SYTL5: variants seen among roughly 807,000 people sequenced by gnomAD.
SYTL5 encodes the protein synaptotagmin-like protein 5.
A neutral mutation model predicts 55.9 loss-of-function variants in SYTL5; 34 were observed. The observed-to-expected ratio is 0.61, with a 90% confidence interval of 0.46 to 0.81. SYTL5 has a LOEUF of 0.81. Among genes scored for constraint, SYTL5 ranks in the 30% least tolerant of loss-of-function variants. The pLI, the probability that SYTL5 is intolerant of heterozygous loss-of-function variation, is 0.00. For missense variants in SYTL5, 637 were observed against 546.7 expected, an observed-to-expected ratio of 1.17 and a Z score of -1.65; for synonymous variants, 221 against 188.7, an observed-to-expected ratio of 1.17 and a Z score of -1.40.
At position 38,118,417 on chromosome X, in the gene SYTL5, C is replaced by T. The variant is rs186149777; in HGVS notation, c.1597-1941C>T. Among the ~76,000 whole-genome samples the T allele has an allele frequency of 6.3e-3, 695 of 111,099 alleles. 8 individuals carry two copies. The highest frequency in any genetic ancestry group is 0.022 in the African/African-American group (660 of 30,517). On this transcript the variant is annotated intron_variant, in intron 13 of 16. Coordinates refer to ENST00000297875, the MANE Select transcript of SYTL5 (RefSeq NM_138780.3). ...GCTTGGCTATGAATGAGCTAGGTTT[C>T]GGGACTCTCATTCTGCCCTCTCTGA...
chrX:37,991,281 TCAA>T, the SYTL5 span: 1 of 1,109,857 alleles, frequency 9.0e-7, no homozygotes, highest in African/African-American at 1.8e-5. Flanking sequence ...GCTGTTGTCA[TCAA>T]CAAGTGCTAT....
At chrX:37,922,067 G>C in the SYTL5 span, among the ~76,000 whole-genome samples, 1 of 111,954 alleles carries the variant, frequency 8.9e-6, no homozygotes, top group Non-Finnish European at 1.9e-5. Context: ...TTATAGCTGA[G>C]ACATCCACTT....
chrX:37,956,970 C>T, the SYTL5 span, among the ~76,000 whole-genome samples: 39,562 of 110,209 alleles, frequency 0.36, 5,133 homozygotes, highest in East Asian at 0.6. Context: ...TCCTTTTTAT[C>T]TTAGCCATTC....
At chrX:38,064,331 A>G (rs1045685631) in intron 3 of SYTL5, among the ~76,000 whole-genome samples, 1 of 111,445 alleles carries the variant, frequency 9.0e-6, no homozygotes, top group Non-Finnish European at 1.9e-5. Context: ...TTACTTCATG[A>G]TCTTACCAAC....
chrX:38,114,168 C>T (rs1937428073), intron 13 of SYTL5, among the ~76,000 whole-genome samples: 1 of 111,488 alleles, frequency 9.0e-6, no homozygotes, highest in South Asian at 3.8e-4. Flanking sequence ...TCCCTGTACA[C>T]ACTCCCCTGA....
At position 38,072,085 on chromosome X, in the gene SYTL5, A is replaced by G. The variant is rs1464731221; in HGVS notation, c.368A>G (p.Glu123Gly). Reference protein sequence around the residue: ...RIITGEWFFEEKAKRFKQVNV... With the variant: ...RIITGEWFFEGKAKRFKQVNV... ...ATAACTGGTGAGTGGTTTTTTGAAG[A>G]AAAGGCAAAACGTTTCAAGCAAGTC... The change falls in exon 4 of 17, where the codon GAA becomes GGA. Residue 123 changes from glutamate (E) to glycine (G), a missense_variant. Transcript: ENST00000297875. The G allele has an allele frequency of 2.5e-6, 3 of 1,210,314 alleles. No homozygotes were observed. The highest frequency in any genetic ancestry group is 1.8e-5 in the South Asian group (1 of 56,833).
At chrX:38,055,943 A>G (rs776081921) in intron 3 of SYTL5, among the ~76,000 whole-genome samples, 10 of 111,823 alleles carry the variant, frequency 8.9e-5, no homozygotes, top group Non-Finnish European at 1.9e-4. Context: ...TACCTCAAGA[A>G]TTTATCCTTT....
the SYTL5 span, chrX:37,994,568 G>A: frequency 5.0e-5 from 6 of 120,459 alleles, no homozygotes; most frequent in Non-Finnish European, 8.2e-5. Flanking sequence ...ACAGCTGCAG[G>A]CTGTGCATCA....
the SYTL5 span, among the ~76,000 whole-genome samples, chrX:37,895,213 C>A: frequency 5.4e-5 from 6 of 112,057 alleles, no homozygotes; most frequent in South Asian, 3.7e-4. Flanking sequence ...TAATTACATC[C>A]TCAAAAAGCC....
intron 13 of SYTL5, among the ~76,000 whole-genome samples, chrX:38,113,420 T>C: frequency 8.9e-6 from 1 of 112,166 alleles, no homozygotes; most frequent in South Asian, 3.7e-4. Flanking sequence ...CTCTCTCTTT[T>C]TTTGGCAGAC....
At chrX:38,111,887 C>T (rs1014922940) in intron 13 of SYTL5, among the ~76,000 whole-genome samples, 1 of 112,099 alleles carries the variant, frequency 8.9e-6, no homozygotes, top group Non-Finnish European at 1.9e-5. Context: ...TAGCATCCTT[C>T]CAGTAAATTT....
intron 3 of SYTL5, among the ~76,000 whole-genome samples, chrX:38,058,874 A>G (rs1935862850): frequency 9.0e-6 from 1 of 110,961 alleles, no homozygotes; most frequent in South Asian, 3.8e-4. Flanking sequence ...ATATCTCTTT[A>G]GATATTTCTT....
chrX:38,073,433 C>A (rs1936315259), intron 4 of SYTL5, among the ~76,000 whole-genome samples, 157 bp from the exon 5 acceptor site: 1 of 112,279 alleles, frequency 8.9e-6, no homozygotes, highest in African/African-American at 3.2e-5. Context: ...TTAGAACTAA[C>A]TGTGTGACAG....
chrX:38,077,983 T>G (rs1261113619), intron 6 of SYTL5, among the ~76,000 whole-genome samples: 2 of 111,559 alleles, frequency 1.8e-5, no homozygotes, highest in African/African-American at 3.3e-5. Flanking sequence ...CAGTGAGCTA[T>G]GATCATGCCA....
At chrX:37,932,977 C>T in the SYTL5 span, among the ~76,000 whole-genome samples, 2 of 111,068 alleles carry the variant, frequency 1.8e-5, no homozygotes, top group African/African-American at 6.5e-5. Context: ...TTCCAAGAGG[C>T]AGAAAGTAGG....
At chrX:38,082,109 A>G (rs1029049931) in intron 6 of SYTL5, among the ~76,000 whole-genome samples, 1 of 111,909 alleles carries the variant, frequency 8.9e-6, no homozygotes. Flanking sequence ...AATGTCAATA[A>G]TGTGAGAAGG....
At chrX:38,067,381 T>G (rs866744257) in intron 3 of SYTL5, among the ~76,000 whole-genome samples, 1 of 88,176 alleles carries the variant, frequency 1.1e-5, no homozygotes, top group Admixed American at 1.2e-4. Context: ...AAAGAACATA[T>G]CAAAAAAAAA....
At chrX:38,078,976 T>C (rs989625655) in intron 6 of SYTL5, among the ~76,000 whole-genome samples, 8 of 112,407 alleles carry the variant, frequency 7.1e-5, no homozygotes, top group Non-Finnish European at 1.5e-4. Flanking sequence ...GTAAAGATGC[T>C]CAGGAGATCA....
chrX:38,120,053 G>T (rs1487395112), intron 13 of SYTL5, among the ~76,000 whole-genome samples: 2 of 112,004 alleles, frequency 1.8e-5, no homozygotes, highest in Non-Finnish European at 3.8e-5. Context: ...TCAGTGATAG[G>T]TCCAGTCATC....
Sources: gnomAD v4.1 joint callset for allele counts (sites outside exome capture counted in the v4.1 genomes callset) on GRCh38, gnomAD v4.1.1 for gene constraint, MANE v1.5 for transcripts, NCBI Gene and HGNC (gene_info 2026-07-23, HGNC 2026-07-21) for gene names.